The following MACROD2 variants were observed in gnomAD, a reference collection of about 807,000 sequenced individuals.
MACROD2 encodes the protein ADP-ribose glycohydrolase MACROD2.
A neutral mutation model predicts 70.4 loss-of-function variants in MACROD2; 36 were observed. The observed-to-expected ratio is 0.51, with a 90% CI of 0.39 to 0.68. The LOEUF is 0.68. MACROD2 is among the 30% of genes least tolerant of loss of function. MACROD2 has a pLI of 0.00. For synonymous variants in MACROD2, 172 were observed against 178.8 expected, an observed-to-expected ratio of 0.96 and a Z score of 0.30; for missense variants, 496 against 538.4, an observed-to-expected ratio of 0.92 and a Z score of 0.78.
intron 5 of MACROD2, among the ~76,000 whole-genome samples, chr20:15,065,309 T>C (rs568512680): frequency 6.6e-6 from 1 of 152,312 alleles, no homozygotes; most frequent in Non-Finnish European, 1.5e-5. Context: ...AAAGTACCAT[T>C]GCTTTTGTCT....
chr20:14,552,559 A>G (rs1403109087), intron 4 of MACROD2, among the ~76,000 whole-genome samples: 8 of 151,962 alleles, frequency 5.3e-5, no homozygotes, highest in African/African-American at 1.9e-4. Flanking sequence ...TATGTTCTGA[A>G]AAAAACAGAT....
intron 8 of MACROD2, among the ~76,000 whole-genome samples, chr20:15,513,656 A>G (rs2146516778): frequency 6.6e-6 from 1 of 152,350 alleles, no homozygotes; most frequent in South Asian, 2.1e-4. Context: ...ATAAATTTCC[A>G]TATTGAATCC....
intron 5 of MACROD2, among the ~76,000 whole-genome samples, chr20:14,945,188 G>T (rs2074421472): frequency 6.6e-6 from 1 of 151,526 alleles, no homozygotes; most frequent in South Asian, 2.1e-4. Flanking sequence ...CCTGATCTTG[G>T]CTCACTGCAA....
intron 5 of MACROD2, among the ~76,000 whole-genome samples, chr20:15,206,721 GTTTTTTTTTTTT>G (rs56752104): frequency 7.6e-4 from 25 of 33,000 alleles, no homozygotes; most frequent in African/African-American, 2.1e-3. Context: ...TATTATCTAT[GTTTTTTTTTTTT>G]TTTTTTTTTT....
intron 5 of MACROD2, among the ~76,000 whole-genome samples, chr20:14,738,715 A>G (rs1458417349): frequency 1.3e-5 from 2 of 151,810 alleles, no homozygotes; most frequent in Non-Finnish European, 2.9e-5. Flanking sequence ...TCTATAGATT[A>G]TATGTTCTTT....
intron 15 of MACROD2, among the ~76,000 whole-genome samples, chr20:16,040,779 C>G (rs1689881033): frequency 6.6e-6 from 1 of 151,988 alleles, no homozygotes; most frequent in Non-Finnish European, 1.5e-5. Context: ...GAGAATGAAT[C>G]TTTCAGCTTT....
intron 6 of MACROD2, among the ~76,000 whole-genome samples, chr20:15,332,793 G>A (rs1190636361): frequency 1.3e-5 from 2 of 151,648 alleles, no homozygotes; most frequent in Admixed American, 1.3e-4. Context: ...GAATATGAGT[G>A]TCCTTTTCTG....
chr20:15,446,095 T>C (rs1051437300), intron 7 of MACROD2, among the ~76,000 whole-genome samples: 1 of 152,204 alleles, frequency 6.6e-6, no homozygotes, highest in Admixed American at 6.5e-5. Context: ...ATAAATGTCA[T>C]GATGGCAATA....
intron 3 of MACROD2, among the ~76,000 whole-genome samples, chr20:14,322,011 A>T (rs1485829954): frequency 6.6e-6 from 1 of 150,440 alleles, no homozygotes; most frequent in South Asian, 2.1e-4. Context: ...TGTTAAAGTT[A>T]TATGCTATAT....
At chr20:14,536,626 GGTGTGTGTGTGTGT>G (rs11471542) in intron 4 of MACROD2, among the ~76,000 whole-genome samples, 28 of 139,160 alleles carry the variant, frequency 2.0e-4, no homozygotes, top group Middle Eastern at 3.7e-3. Context: ...AGGTAACATT[GGTGTGTGTGTGTGT>G]GTGTGTGTGT....
chr20:14,000,007 T>C (rs189835521), intron 1 of MACROD2, among the ~76,000 whole-genome samples: 185 of 152,268 alleles, frequency 1.2e-3, no homozygotes, highest in African/African-American at 4.0e-3. Flanking sequence ...AGCAAGACTC[T>C]GTCTCAAGAA....
chr20:15,061,473 G>C (rs143913220), intron 5 of MACROD2, among the ~76,000 whole-genome samples: 2 of 152,220 alleles, frequency 1.3e-5, no homozygotes, highest in South Asian at 2.1e-4. Context: ...GGTAATGCAC[G>C]TGATAATGCA....
intron 8 of MACROD2, among the ~76,000 whole-genome samples, chr20:15,641,394 G>A (rs987135569): frequency 6.6e-6 from 1 of 152,170 alleles, no homozygotes; most frequent in Non-Finnish European, 1.5e-5. Context: ...GTAGATTAGT[G>A]GAAGGAATAT....
At chr20:14,050,948 G>A (rs927490949) in intron 2 of MACROD2, among the ~76,000 whole-genome samples, 1 of 152,094 alleles carries the variant, frequency 6.6e-6, no homozygotes, top group Non-Finnish European at 1.5e-5. Flanking sequence ...CAGGAGGAGG[G>A]GAGAAAAGAC....
rs568355472 is a variant in MACROD2, at chr20:15,346,888, T to C, written c.541-84517T>C. 9.2e-5 allele frequency among the ~76,000 whole-genome samples: 14 copies of C among 152,266 alleles called. 1 individual carries two copies. Among genetic ancestry groups the C allele is most frequent in the Admixed American group, 7.2e-4 (11 of 15,282 alleles). On this transcript the variant is annotated intron_variant, in intron 6 of 17. Transcript: ENST00000684519. ...CAGGAGATTCCAATGGGAGTATATT[T>C]AGTCTGAAATCTCTGGGGCTGAAAA...
intron 3 of MACROD2, among the ~76,000 whole-genome samples, chr20:14,276,534 G>A (rs866723282): frequency 6.7e-6 from 1 of 148,422 alleles, no homozygotes; most frequent in Non-Finnish European, 1.5e-5. Context: ...GCTAAATGAC[G>A]AGTCAATGGG....
Position 14,270,766 on chromosome 20 carries a change from G to A in MACROD2, c.271+185038G>A, listed in dbSNP as rs138178791. ...ACAGCTCTGGTCTACAGCTCCCAGC[G>A]TGAGTGACGCAGAAGACGGGTGATT... On this transcript the variant is annotated intron_variant, in intron 3 of 17. Transcript: ENST00000684519. Among the ~76,000 whole-genome samples the A allele has an allele frequency of 2.6e-3, 397 of 152,216 alleles. 2 individuals carry two copies. The highest frequency in any genetic ancestry group is 9.1e-3 in the African/African-American group (376 of 41,526).
intron 5 of MACROD2, among the ~76,000 whole-genome samples, chr20:14,698,970 C>T (rs1447238994): frequency 6.6e-6 from 1 of 151,910 alleles, no homozygotes; most frequent in African/African-American, 2.4e-5. Flanking sequence ...TAAGGTCAAG[C>T]TCATATTTCA....
rs1414285468 is a variant in MACROD2 at position 15,951,352 on chromosome 20, A to ACACAC, written c.907+13808_907+13809insCACAC. Among the ~76,000 whole-genome samples the ACACAC allele has an allele frequency of 4.5e-3, 415 of 91,930 alleles. 3 individuals are homozygous for ACACAC. The highest frequency in any genetic ancestry group is 8.7e-3 in the Non-Finnish European group (334 of 38,596). The allele number at this position is 91,930 out of a possible 152,430, so 60.3% of individuals were successfully genotyped here. A position where few individuals can be genotyped will look rare whatever the true frequency, so the allele number is the denominator to read the frequency against. On this transcript the variant is annotated intron_variant, in intron 12 of 17. Transcript: ENST00000684519. Reference sequence around the variant, plus strand: ...ACACACACACACACACACACACACAAAGAGAGAGAGAGAGAGAAAGAGCAC... The same window carrying ACACAC: ...ACACACACACACACACACACACACAACACACAGAGAGAGAGAGAGAGAAAGAGCAC...
Sources: gnomAD v4.1 joint callset for allele counts (sites outside exome capture counted in the v4.1 genomes callset) on GRCh38, gnomAD v4.1.1 for gene constraint, MANE v1.5 for transcripts, NCBI Gene and HGNC (gene_info 2026-07-23, HGNC 2026-07-21) for gene names.